SETBP1: variants seen among roughly 807,000 people sequenced by gnomAD.
The protein encoded by SETBP1 is SET-binding protein.
In SETBP1, 9 loss-of-function variants were observed where a neutral mutation model predicts 101.0. The observed-to-expected ratio is 0.09, with a 90% CI of 0.05 to 0.16. The LOEUF is 0.16. Ranked by LOEUF, SETBP1 falls within the 10% of genes least tolerant of loss-of-function variation. SETBP1 has a pLI of 1.00. For missense variants in SETBP1, 1,858 were observed against 2,033.8 expected, an observed-to-expected ratio of 0.91 and a Z score of 1.66; for synonymous variants, 818 against 788.5, an observed-to-expected ratio of 1.04 and a Z score of -0.63.
At chr18:45,017,779 A>G (rs1390480908) in intron 4 of SETBP1, among the ~76,000 whole-genome samples, 1 of 152,242 alleles carries the variant, frequency 6.6e-6, no homozygotes, top group East Asian at 1.9e-4. Flanking sequence ...CAAATCACAC[A>G]TTGCTCTGCA....
At chr18:44,829,467 T>C (rs574345081) in intron 2 of SETBP1, among the ~76,000 whole-genome samples, 7 of 152,282 alleles carry the variant, frequency 4.6e-5, no homozygotes, top group Admixed American at 2.0e-4. Context: ...AATAAACTGC[T>C]TAAGATGAAT....
chr18:44,869,885 T>C (rs2069233850), intron 3 of SETBP1: 1 of 178,274 alleles, frequency 5.6e-6, no homozygotes, highest in African/African-American at 2.4e-5. Context: ...GACATCATCC[T>C]GCCTGTCTCT....
At chr18:45,049,448 A>G (rs1249660800) in intron 5 of SETBP1, among the ~76,000 whole-genome samples, 1 of 152,230 alleles carries the variant, frequency 6.6e-6, no homozygotes, top group Admixed American at 6.5e-5. Context: ...GGCCTACGGA[A>G]GGTTATAAAT....
chr18:44,899,213 T>G (rs972519466), intron 3 of SETBP1, among the ~76,000 whole-genome samples: 1 of 152,208 alleles, frequency 6.6e-6, no homozygotes, highest in Non-Finnish European at 1.5e-5. Flanking sequence ...TGAAAAGCCA[T>G]TTTAAATATT....
At chr18:44,735,236 C>T (rs905103979) in intron 2 of SETBP1, among the ~76,000 whole-genome samples, 2 of 152,196 alleles carry the variant, frequency 1.3e-5, no homozygotes, top group African/African-American at 2.4e-5. Flanking sequence ...ATTGAGGATA[C>T]AGACCCAGCT....
intron 3 of SETBP1, among the ~76,000 whole-genome samples, chr18:44,882,611 A>C (rs928792224): frequency 3.3e-5 from 5 of 151,770 alleles, no homozygotes; most frequent in African/African-American, 1.2e-4. Context: ...ATTGCCTCCT[A>C]GTGAGTGACT....
At chr18:44,942,772 A>G (rs2071115380) in intron 3 of SETBP1, among the ~76,000 whole-genome samples, 1 of 152,112 alleles carries the variant, frequency 6.6e-6, no homozygotes, top group Admixed American at 6.6e-5. Flanking sequence ...GATTATTTTG[A>G]GTTATGCAGA....
chr18:44,766,695 A>G (rs1034167302), intron 2 of SETBP1, among the ~76,000 whole-genome samples: 2 of 152,140 alleles, frequency 1.3e-5, no homozygotes, highest in Non-Finnish European at 2.9e-5. Context: ...AAAATGAGCC[A>G]TGGGTGGTAG....
At chr18:44,734,529 A>G (rs1050575577) in intron 2 of SETBP1, among the ~76,000 whole-genome samples, 1 of 152,222 alleles carries the variant, frequency 6.6e-6, no homozygotes, top group African/African-American at 2.4e-5. Context: ...CTTATCTCTT[A>G]CCAGTTTCTG....
At chr18:44,906,604 T>C (rs765355225) in intron 3 of SETBP1, among the ~76,000 whole-genome samples, 9 of 152,338 alleles carry the variant, frequency 5.9e-5, no homozygotes, top group Non-Finnish European at 1.3e-4. Flanking sequence ...TTTGACTAGA[T>C]TAATTTTATG....
chr18:44,855,737 A>G (rs2072961992), intron 2 of SETBP1, among the ~76,000 whole-genome samples: 1 of 152,226 alleles, frequency 6.6e-6, no homozygotes, highest in South Asian at 2.1e-4. Context: ...TTTCCAGCAC[A>G]TGACTGGTTA....
In SETBP1 at chr18:44,701,665, A is replaced by T. The variant is rs750263138; in HGVS notation, c.319A>T (p.Ile107Phe). 6.2e-7 allele frequency: 1 copy of T among 1,614,148 alleles called. No homozygotes were observed. The highest frequency in any genetic ancestry group is 8.5e-7 in the Non-Finnish European group (1 of 1,179,974). ...NFTEGSLKLK[I>F]QTTKRAKKPP... ...CACAGAGGGAAGTCTGAAGCTAAAG[A>T]TTCAGACCACAAAGCGGGCTAAGAA... The change falls in exon 2 of 6, where the codon ATT (isoleucine) becomes TTT (phenylalanine). Residue 107 changes from isoleucine (I) to phenylalanine (F), a missense_variant. Physicochemically the swap from Ile to Phe is conservative, Grantham distance 21 (BLOSUM62 0). Transcript: ENST00000649279.
intron 2 of SETBP1, among the ~76,000 whole-genome samples, chr18:44,763,979 A>G (rs2070712450): frequency 6.6e-6 from 1 of 152,186 alleles, no homozygotes. Context: ...CCAAATGTTT[A>G]TCTATACCCT....
At chr18:44,998,716 G>A (rs1480038221) in intron 4 of SETBP1, among the ~76,000 whole-genome samples, 7 of 152,314 alleles carry the variant, frequency 4.6e-5, no homozygotes, top group South Asian at 2.1e-4. Flanking sequence ...TGATGTTGGG[G>A]AAGGTTGGAT....
intron 2 of SETBP1, among the ~76,000 whole-genome samples, chr18:44,746,471 AT>A (rs1181223721): frequency 1.3e-5 from 2 of 152,190 alleles, no homozygotes; most frequent in African/African-American, 4.8e-5. Context: ...AAAAGAACAT[AT>A]TTTTTAAGGG....
chr18:44,941,563 G>A (rs2071089275), intron 3 of SETBP1, among the ~76,000 whole-genome samples: 2 of 151,978 alleles, frequency 1.3e-5, no homozygotes, highest in Non-Finnish European at 2.9e-5. Context: ...TAATCTTTTG[G>A]TATTCTCATT....
chr18:44,768,756 G>T (rs766799991), intron 2 of SETBP1, among the ~76,000 whole-genome samples: 5 of 152,192 alleles, frequency 3.3e-5, no homozygotes, highest in Non-Finnish European at 7.3e-5. Context: ...TATATACGGA[G>T]ATCTGTTTCA....
intron 4 of SETBP1, among the ~76,000 whole-genome samples, chr18:44,993,836 G>A (rs1285549571): frequency 6.6e-6 from 1 of 151,830 alleles, no homozygotes; most frequent in Non-Finnish European, 1.5e-5. Context: ...AAAGGCGGAG[G>A]ACTTACCCTA....
At chr18:44,794,979 T>C (rs1445134977) in intron 2 of SETBP1, among the ~76,000 whole-genome samples, 2 of 152,144 alleles carry the variant, frequency 1.3e-5, no homozygotes, top group Non-Finnish European at 2.9e-5. Flanking sequence ...TTACCCAGAT[T>C]TGAAAATGTG....
Sources: gnomAD v4.1 joint callset for allele counts (sites outside exome capture counted in the v4.1 genomes callset) on GRCh38, gnomAD v4.1.1 for gene constraint, MANE v1.5 for transcripts, NCBI Gene and HGNC (gene_info 2026-07-23, HGNC 2026-07-21) for gene names.